SLC12A1: variants seen among roughly 807,000 people sequenced by gnomAD.
The protein encoded by SLC12A1 is solute carrier family 12 member 1, also known as Na-K-2Cl cotransporter.
In SLC12A1, 89 loss-of-function variants were observed where a neutral mutation model predicts 130.4. The ratio of observed to expected loss-of-function variants is 0.68; its 90% confidence interval spans 0.58 to 0.81. The LOEUF (loss-of-function observed/expected upper bound fraction) is 0.81, where lower values mean the gene tolerates loss of function less well. Among genes scored for constraint, SLC12A1 ranks in the 40% least tolerant of loss-of-function variants. SLC12A1 has a pLI of 0.00. For synonymous variants in SLC12A1, 499 were observed against 460.0 expected, an observed-to-expected ratio of 1.08 and a Z score of -1.09; for missense variants, 1,310 against 1,336.4, an observed-to-expected ratio of 0.98 and a Z score of 0.31.
At chr15:48,220,136 TAGATAG>T (rs2041187383) in intron 2 of SLC12A1, among the ~76,000 whole-genome samples, 1 of 109,042 alleles carries the variant, frequency 9.2e-6, no homozygotes, top group African/African-American at 6.1e-5. Flanking sequence ...AAAAGGTAGA[TAGATAG>T]ATAGATAGAT....
At chr15:48,237,164 C>A in intron 9 of SLC12A1, 1 of 628,588 alleles carries the variant, frequency 1.6e-6, no homozygotes, top group Admixed American at 2.6e-5. Flanking sequence ...AGAGGGGACA[C>A]TCAATCCAGG....
At chr15:48,240,453 G>A (rs1329294693) in intron 9 of SLC12A1, among the ~76,000 whole-genome samples, 1 of 152,186 alleles carries the variant, frequency 6.6e-6, no homozygotes, top group Non-Finnish European at 1.5e-5. Context: ...GTCCCATAGG[G>A]CTGGCTTACT....
intron 18 of SLC12A1, 65 bp downstream of exon 18, chr15:48,267,766 C>T (rs537437738): frequency 9.0e-6 from 14 of 1,559,894 alleles, no homozygotes; most frequent in Admixed American, 6.8e-5. Flanking sequence ...GTTAATAAGG[C>T]TCCCAAAGTG....
chr15:48,263,248 A>G (rs2141081533), intron 17 of SLC12A1, among the ~76,000 whole-genome samples: 1 of 152,336 alleles, frequency 6.6e-6, no homozygotes, highest in Admixed American at 6.5e-5. Flanking sequence ...AGTCGATTCC[A>G]TTGACCTGGG....
Position 48,229,173 on chromosome 15 carries a change from T to G in SLC12A1, c.725-16T>G. ...AGCAGTTCCTCAATGTGAAGTATGT[T>G]CATTTCTTGTTTCAGGTGGGGCCTA... is the stretch of plus-strand genomic sequence containing the variant. On this transcript the variant is annotated splice_polypyrimidine_tract_variant and intron_variant, in intron 5 of 26. Transcript: ENST00000380993. The G allele has an allele frequency of 1.3e-6, 2 of 1,579,134 alleles. No homozygotes were observed. Among genetic ancestry groups the G allele is most frequent in the Non-Finnish European group, 1.7e-6 (2 of 1,161,038 alleles).
intron 2 of SLC12A1, among the ~76,000 whole-genome samples, chr15:48,219,384 C>T (rs900566509): frequency 6.6e-6 from 1 of 151,934 alleles, no homozygotes; most frequent in Non-Finnish European, 1.5e-5. Flanking sequence ...GGTGAAGCCC[C>T]GTCTCTACTA....
At chr15:48,219,416 C>A (rs1360456367) in intron 2 of SLC12A1, among the ~76,000 whole-genome samples, 3 of 151,844 alleles carry the variant, frequency 2.0e-5, no homozygotes, top group African/African-American at 7.3e-5. Flanking sequence ...AGTACCTTGG[C>A]GTGGTGGTGC....
intron 23 of SLC12A1, among the ~76,000 whole-genome samples, chr15:48,288,799 A>T (rs567715810): frequency 1.3e-5 from 2 of 152,344 alleles, no homozygotes; most frequent in East Asian, 3.9e-4. Context: ...TCGTTATCTC[A>T]TATAATGCTT....
chr15:48,221,413 CCTGA>C, intron 4 of SLC12A1: 2 of 697,696 alleles, frequency 2.9e-6, no homozygotes, highest in Non-Finnish European at 2.6e-6. Flanking sequence ...GAAAATGTGA[CCTGA>C]CTAATAAAAA....
intron 24 of SLC12A1, among the ~76,000 whole-genome samples, chr15:48,294,054 A>G (rs1478134769): frequency 6.6e-6 from 1 of 150,884 alleles, no homozygotes; most frequent in African/African-American, 2.4e-5. Context: ...AAAAAAAAGA[A>G]AAAAAGAAAA....
chr15:48,274,697 C>G, intron 20 of SLC12A1, 44 bp downstream of exon 20: 1 of 1,339,214 alleles, frequency 7.5e-7, no homozygotes, highest in Non-Finnish European at 1.1e-6. Flanking sequence ...TATTGAGCAC[C>G]TACTTTGTGC....
chr15:48,248,966 C>T (rs2041615615), intron 13 of SLC12A1, among the ~76,000 whole-genome samples: 1 of 152,132 alleles, frequency 6.6e-6, no homozygotes, highest in Non-Finnish European at 1.5e-5. Flanking sequence ...ATCGCTTGAA[C>T]CCGGGAGGCA....
rs967222372 is a variant in SLC12A1 at position 48,270,976 on chromosome 15, C to A, written c.2402+1212C>A. ...TGGTGGCTCACCCCTGTAATCCCAG[C>A]ATTTTGGGAGGCCGAGGCGGGTGGA... On this transcript the variant is annotated intron_variant, in intron 19 of 26. Transcript: ENST00000380993. Among the ~76,000 whole-genome samples the A allele has an allele frequency of 2.7e-5, 4 of 150,906 alleles. 1 individual carries two copies. The highest frequency in any genetic ancestry group is 4.4e-5 in the Non-Finnish European group (3 of 67,754).
At position 48,246,766 on chromosome 15, in the gene SLC12A1, C is replaced by T. The variant is rs147188246; in HGVS notation, c.1453-143C>T. 737 of 712,826 alleles carry T rather than the reference C, an allele frequency of 1.0e-3. 7 individuals carry two copies. In the African/African-American group the frequency reaches 0.012, roughly 12 times the overall value. 44.2% of individuals were successfully genotyped at this position (712,826 alleles called of 1,614,324 possible). A position where few individuals can be genotyped will look rare whatever the true frequency, so the allele number is the denominator to read the frequency against. On this transcript the variant is annotated intron_variant, in intron 11 of 26. Transcript: ENST00000380993. ...CTGCACTCCAGCCTGGGCGATAGAG[C>T]GAGACTGTCTCAAACAAACAACAAC... is the stretch of plus-strand genomic sequence containing the variant.
chr15:48,217,610 G>A (rs1001031798), intron 2 of SLC12A1, among the ~76,000 whole-genome samples: 1 of 151,968 alleles, frequency 6.6e-6, no homozygotes, highest in East Asian at 1.9e-4. Flanking sequence ...TCTGTCTTAG[G>A]ATTCAGTCCC....
chr15:48,280,495 G>A (rs571959149), intron 20 of SLC12A1, among the ~76,000 whole-genome samples: 2 of 152,292 alleles, frequency 1.3e-5, no homozygotes, highest in South Asian at 4.1e-4. Flanking sequence ...CTTGAAAAGA[G>A]AGAAGGGCAG....
chr15:48,297,476 G>C (rs1332797630), intron 24 of SLC12A1, among the ~76,000 whole-genome samples: 1 of 152,224 alleles, frequency 6.6e-6, no homozygotes, highest in African/African-American at 2.4e-5. Flanking sequence ...GGAAAACACA[G>C]TACGGATACT....
chr15:48,222,611 T>G (rs1176732763), intron 4 of SLC12A1: 1 of 152,192 alleles, frequency 6.6e-6, no homozygotes, highest in African/African-American at 2.4e-5. Flanking sequence ...TCTTTTCTTT[T>G]TTTAATTCTC....
At chr15:48,266,445 C>CTTTT (rs67628277) in intron 17 of SLC12A1, among the ~76,000 whole-genome samples, 1 of 144,438 alleles carries the variant, frequency 6.9e-6, no homozygotes, top group African/African-American at 2.6e-5. Flanking sequence ...AAAGCCTGGG[C>CTTTT]TTTTTTTTTT....
Sources: allele counts gnomAD v4.1 joint callset (sites outside exome capture counted in the v4.1 genomes callset), GRCh38; gene constraint gnomAD v4.1.1; transcripts MANE v1.5; gene names NCBI Gene and HGNC (gene_info 2026-07-23, HGNC 2026-07-21).